PLCE1: variants seen among roughly 807,000 people sequenced by gnomAD.
PLCE1 encodes the protein 1-phosphatidylinositol 4,5-bisphosphate phosphodiesterase epsilon-1.
A neutral mutation model predicts 242.8 loss-of-function variants in PLCE1; 119 were observed. That is an observed-to-expected ratio of 0.49 (90% CI 0.42 to 0.57). The LOEUF (loss-of-function observed/expected upper bound fraction) is 0.57, where lower values mean the gene tolerates loss of function less well. Among genes scored for constraint, PLCE1 ranks in the 20% least tolerant of loss-of-function variants. The pLI is 0.00. For missense variants in PLCE1, 2,441 were observed against 2,788.8 expected, an observed-to-expected ratio of 0.88 and a Z score of 2.81; for synonymous variants, 945 against 1,017.4, an observed-to-expected ratio of 0.93 and a Z score of 1.35.
chr10:94,058,074 C>A (rs1012638634), intron 2 of PLCE1, among the ~76,000 whole-genome samples: 2 of 152,172 alleles, frequency 1.3e-5, no homozygotes, highest in South Asian at 2.1e-4. Flanking sequence ...ATGTGGCCAT[C>A]TTTTTACAAT....
At chr10:94,285,326 T>C (rs958889335) in intron 22 of PLCE1, among the ~76,000 whole-genome samples, 23 of 152,322 alleles carry the variant, frequency 1.5e-4, no homozygotes, top group Admixed American at 1.4e-3. Flanking sequence ...AGGTAGGCGG[T>C]ATTATCTCCA....
intron 3 of PLCE1, among the ~76,000 whole-genome samples, chr10:94,141,625 A>AG (rs67576585): frequency 0.96 from 96,417 of 100,494 alleles, 46,191 homozygotes; most frequent in South Asian, 0.99. Flanking sequence ...AAAGGAAGGC[A>AG]GAAGGAGGAA....
intron 4 of PLCE1, among the ~76,000 whole-genome samples, chr10:94,191,291 C>A (rs1329286600): frequency 6.6e-6 from 1 of 151,996 alleles, no homozygotes; most frequent in Non-Finnish European, 1.5e-5. Context: ...TTCACTAGAG[C>A]AGAGAGGACC....
chr10:94,249,330 G>C (rs1304916775), intron 8 of PLCE1, among the ~76,000 whole-genome samples: 1 of 151,868 alleles, frequency 6.6e-6, no homozygotes, highest in African/African-American at 2.4e-5. Flanking sequence ...AGTACTCAGA[G>C]AACAAAAGAT....
chr10:94,284,002 T>C (rs2052345163), intron 21 of PLCE1, 91 bp downstream of exon 21: 1 of 1,451,468 alleles, frequency 6.9e-7, no homozygotes, highest in Non-Finnish European at 9.6e-7. Context: ...TGTCCCTCCC[T>C]TTCACCTTTC....
Position 94,160,420 on chromosome 10 carries a change from T to C in PLCE1, c.1493-10760T>C, listed in dbSNP as rs548617470. On this transcript the variant is annotated intron_variant, in intron 3 of 32. Transcript: ENST00000371380. ...CTGTTGGCTGCATAAATGTCTTCTT[T>C]TGAGAAGTGTCTGTTCATATACTTT... 1.9e-3 allele frequency among the ~76,000 whole-genome samples: 289 copies of C among 152,314 alleles called. 1 individual carries two copies. The highest frequency in any genetic ancestry group is 5.3e-3 in the African/African-American group (221 of 41,560).
chr10:94,317,910 T>C (rs563266942), intron 29 of PLCE1, among the ~76,000 whole-genome samples: 1 of 152,360 alleles, frequency 6.6e-6, no homozygotes, highest in East Asian at 1.9e-4. Context: ...AGCCCTGTTC[T>C]GGGCACATGA....
At chr10:94,128,458 G>C (rs902982921) in intron 2 of PLCE1, among the ~76,000 whole-genome samples, 4 of 152,152 alleles carry the variant, frequency 2.6e-5, no homozygotes, top group Non-Finnish European at 5.9e-5. Flanking sequence ...CTGGTTCTTT[G>C]TGGTGAGGGT....
At chr10:94,075,052 C>A (rs1199570495) in intron 2 of PLCE1, among the ~76,000 whole-genome samples, 1 of 149,962 alleles carries the variant, frequency 6.7e-6, no homozygotes. Flanking sequence ...GCCTTCTTCC[C>A]CTTCTCTTCT....
chr10:94,213,916 T>G (rs963770638), intron 4 of PLCE1, among the ~76,000 whole-genome samples: 1 of 144,282 alleles, frequency 6.9e-6, no homozygotes, highest in Admixed American at 6.8e-5. Context: ...AAAGAGACTT[T>G]ATATTTATCA....
intron 2 of PLCE1, among the ~76,000 whole-genome samples, chr10:94,118,596 A>G (rs939501367): frequency 6.6e-6 from 1 of 152,208 alleles, no homozygotes; most frequent in East Asian, 1.9e-4. Context: ...GTTTCTCTGC[A>G]CAAGCTCTCT....
At chr10:94,050,610 C>T (rs2043737139) in intron 2 of PLCE1, among the ~76,000 whole-genome samples, 1 of 152,060 alleles carries the variant, frequency 6.6e-6, no homozygotes, top group African/African-American at 2.4e-5. Context: ...CCCTAATCTA[C>T]CAAGTTCTTC....
At chr10:94,140,878 T>A (rs1343094) in intron 3 of PLCE1, among the ~76,000 whole-genome samples, 100,594 of 152,188 alleles carry the variant, frequency 0.66, 36,523 homozygotes, top group Non-Finnish European at 0.8. Flanking sequence ...TATGCTTTAA[T>A]GTAATATTGG....
chr10:94,186,162 G>A (rs2689701), intron 4 of PLCE1, among the ~76,000 whole-genome samples: 151,711 of 152,360 alleles, frequency 1, 75,539 homozygotes, highest in Middle Eastern at 1. Context: ...CAGAACTTAC[G>A]TCATCTGGCA....
chr10:94,242,831 G>A (rs186996039), intron 7 of PLCE1, among the ~76,000 whole-genome samples: 1 of 152,142 alleles, frequency 6.6e-6, no homozygotes. Flanking sequence ...AAATAAAGTA[G>A]TATCACATTA....
At chr10:94,207,508 G>A (rs1032538582) in intron 4 of PLCE1, among the ~76,000 whole-genome samples, 3 of 120,502 alleles carry the variant, frequency 2.5e-5, no homozygotes, top group Admixed American at 9.2e-5. Context: ...TGAGGGAATA[G>A]TTATACGTGT....
Position 94,313,267 on chromosome 10 carries a change from A to G in PLCE1, c.6017A>G (p.Glu2006Gly). Residue 2006 changes from glutamate to glycine, a missense_variant, in exon 28 of 33, where the codon GAA (glutamate) becomes GGA (glycine). By Grantham distance (98) the Glu-to-Gly change is moderately conservative (BLOSUM62 -2). Around this residue, in one of 5 missense-constraint regions of PLCE1, gnomAD observed 1,004 missense variants for 1,322.7 expected, o/e 0.76. Transcript: ENST00000371380. ...TCTTCTTGACAGATGTTTAATACAGAAGAAAGAAAATGTTTGCAGACTCAC... is the reference window on the plus strand; with the variant it reads ...TCTTCTTGACAGATGTTTAATACAGGAGAAAGAAAATGTTTGCAGACTCAC... ...TMSASSMFNTEERKCLQTHRV... is the reference protein window; with the variant it reads ...TMSASSMFNTGERKCLQTHRV... The G allele has an allele frequency of 6.2e-7, 1 of 1,614,132 alleles. No individual in the cohort carries two copies.
At chr10:94,265,316 T>C (rs1442467726) in intron 14 of PLCE1, among the ~76,000 whole-genome samples, 1 of 152,228 alleles carries the variant, frequency 6.6e-6, no homozygotes, top group Non-Finnish European at 1.5e-5. Context: ...TCAGTTCACC[T>C]CTCACCAACT....
chr10:94,195,434 G>T (rs1564777458), intron 4 of PLCE1, among the ~76,000 whole-genome samples: 1 of 152,060 alleles, frequency 6.6e-6, no homozygotes. Flanking sequence ...TGTGTAAAGA[G>T]ACATGAGAAA....
Sources: gnomAD v4.1 joint callset for allele counts (sites outside exome capture counted in the v4.1 genomes callset) on GRCh38, gnomAD v4.1.1 for gene constraint, gnomAD v4.1.1 regional missense constraint, MANE v1.5 for transcripts, NCBI Gene and HGNC (gene_info 2026-07-23, HGNC 2026-07-21) for gene names.